Variants in KCNJ12 observed in about 807,000 individuals in gnomAD.
KCNJ12 encodes ATP-sensitive inward rectifier potassium channel 12.
Under a neutral mutation model 22.3 loss-of-function variants are expected in KCNJ12, and 2 were observed. The observed-to-expected ratio is 0.09, with a 90% CI of 0.04 to 0.28. KCNJ12 has a LOEUF of 0.28. KCNJ12 is among the 10% of genes least tolerant of loss of function. KCNJ12 has a pLI of 1.00. For synonymous variants in KCNJ12, 117 were observed against 261.4 expected (o/e 0.45, Z 5.33); for missense variants, 155 against 633.3 (o/e 0.24, Z 8.11).
chr17:21,416,413 C>T lies in KCNJ12; in HGVS notation c.1071C>T (p.Cys357=). The T allele has an allele frequency of 6.2e-7, 1 of 1,614,034 alleles. No individual in the cohort carries two copies. The highest frequency in any genetic ancestry group is 8.5e-7 in the Non-Finnish European group (1 of 1,180,054). The change falls in exon 3 of 3, where the codon TGC becomes TGT. Residue 357 remains cysteine, a synonymous_variant. Coordinates refer to ENST00000583088, the MANE Select transcript of KCNJ12 (RefSeq NM_021012.5). ...KTYEVPSTPR[C]SAKDLVENKF... ...ATGAGGTGCCCTCTACGCCCCGCTGCAGTGCGAAGGATCTGGTAGAGAACA... is the reference window on the plus strand; with the variant it reads ...ATGAGGTGCCCTCTACGCCCCGCTGTAGTGCGAAGGATCTGGTAGAGAACA...
chr17:21,399,554 T>TACCCCACCACTCCTGGGTCCCA (rs1905501758), intron 1 of KCNJ12, among the ~76,000 whole-genome samples: 1 of 152,102 alleles, frequency 6.6e-6, no homozygotes, highest in African/African-American at 2.4e-5. Flanking sequence ...ACCAGGGCCC[T>TACCCCACCACTCCTGGGTCCCA]ACCCCACCAC....
chr17:21,394,823 G>A (rs1247516842), intron 1 of KCNJ12, among the ~76,000 whole-genome samples: 1 of 152,176 alleles, frequency 6.6e-6, no homozygotes, highest in East Asian at 1.9e-4. Flanking sequence ...TGTTGCCAGG[G>A]GTAAACCATT....
intron 1 of KCNJ12, among the ~76,000 whole-genome samples, chr17:21,400,606 G>A (rs1389736425): frequency 6.6e-5 from 10 of 152,304 alleles, no homozygotes; most frequent in Non-Finnish European, 8.8e-5. Flanking sequence ...ATGGGTGGGC[G>A]AGGGGCCAGG....
chr17:21,404,021 G>T (rs1194447211), intron 1 of KCNJ12, among the ~76,000 whole-genome samples: 1 of 152,244 alleles, frequency 6.6e-6, no homozygotes, highest in East Asian at 1.9e-4. Flanking sequence ...CTGGGGTGAT[G>T]CCTCGGCCTC....
chr17:21,415,005 A>G (rs1347696809), intron 2 of KCNJ12, among the ~76,000 whole-genome samples: 3 of 152,268 alleles, frequency 2.0e-5, no homozygotes, highest in African/African-American at 7.2e-5. Context: ...TCAGGCCTTG[A>G]GGGTGGGAGA....
intron 2 of KCNJ12, among the ~76,000 whole-genome samples, chr17:21,411,530 C>G (rs1906349210): frequency 6.6e-6 from 1 of 152,312 alleles, no homozygotes; most frequent in Admixed American, 6.5e-5. Context: ...CCCTGGGACC[C>G]TGGCAGGCCA....
chr17:21,393,904 G>A (rs1325512558), intron 1 of KCNJ12, among the ~76,000 whole-genome samples: 1 of 152,242 alleles, frequency 6.6e-6, no homozygotes, highest in Non-Finnish European at 1.5e-5. Flanking sequence ...TGTGTGGCCT[G>A]TCTAAGTTTG....
chr17:21,398,653 G>A (rs1305764376), intron 1 of KCNJ12, among the ~76,000 whole-genome samples: 8 of 152,136 alleles, frequency 5.3e-5, no homozygotes, highest in East Asian at 1.9e-4. Context: ...GGTGCTTCCC[G>A]CTGTCACCTG....
chr17:21,389,873 T>C (rs1370365460), intron 1 of KCNJ12, among the ~76,000 whole-genome samples: 1 of 152,070 alleles, frequency 6.6e-6, no homozygotes, highest in Non-Finnish European at 1.5e-5. Flanking sequence ...GGAGCAAGAC[T>C]TAAAGGGCAT....
At chr17:21,401,519 G>A (rs1905623167) in intron 1 of KCNJ12, among the ~76,000 whole-genome samples, 1 of 152,218 alleles carries the variant, frequency 6.6e-6, no homozygotes, top group Admixed American at 6.5e-5. Context: ...GGGCCACCCT[G>A]CTGTGAGCAG....
At chr17:21,405,651 G>A (rs566360842) in intron 1 of KCNJ12, among the ~76,000 whole-genome samples, 5 of 152,382 alleles carry the variant, frequency 3.3e-5, no homozygotes, top group East Asian at 1.9e-4. Flanking sequence ...GGGCCAGCCC[G>A]GCCTGTTGGC....
At chr17:21,383,991 C>T (rs976096841) in intron 1 of KCNJ12, among the ~76,000 whole-genome samples, 8 of 152,066 alleles carry the variant, frequency 5.3e-5, no homozygotes, top group Non-Finnish European at 8.8e-5. Flanking sequence ...TGAATTTCTC[C>T]TCCTCACCCC....
At chr17:21,390,925 C>T (rs1190585585) in intron 1 of KCNJ12, among the ~76,000 whole-genome samples, 1 of 152,222 alleles carries the variant, frequency 6.6e-6, no homozygotes, top group African/African-American at 2.4e-5. Context: ...CAAAGCCTTC[C>T]ACCATGCAGA....
chr17:21,381,848 G>A (rs534145388), intron 1 of KCNJ12, among the ~76,000 whole-genome samples: 11 of 152,356 alleles, frequency 7.2e-5, no homozygotes, highest in South Asian at 6.2e-4. Flanking sequence ...TGTCCCCAGT[G>A]CCTAAGCGGT....
At chr17:21,385,623 G>T (rs1905047009) in intron 1 of KCNJ12, among the ~76,000 whole-genome samples, 2 of 152,226 alleles carry the variant, frequency 1.3e-5, no homozygotes, top group Admixed American at 1.3e-4. Flanking sequence ...CCTGGGGGTT[G>T]TGTAACAGAG....
chr17:21,396,331 A>C (rs1461097587), intron 1 of KCNJ12, among the ~76,000 whole-genome samples: 1 of 152,164 alleles, frequency 6.6e-6, no homozygotes, highest in South Asian at 2.1e-4. Flanking sequence ...CCAGGAAGTC[A>C]CCGAGCCAGC....
chr17:21,393,099 G>GTACCA (rs1905249109), intron 1 of KCNJ12, among the ~76,000 whole-genome samples: 1 of 152,130 alleles, frequency 6.6e-6, no homozygotes. Flanking sequence ...CTGCACGGCC[G>GTACCA]TACCGGCTCT....
chr17:21,392,475 A>AGGCAGGG (rs138170114), intron 1 of KCNJ12, among the ~76,000 whole-genome samples: 17,935 of 152,242 alleles, frequency 0.12, 1,114 homozygotes, highest in Non-Finnish European at 0.13. Flanking sequence ...CAGCTGCTCA[A>AGGCAGGG]GGCAGGGGGC....
intron 2 of KCNJ12, among the ~76,000 whole-genome samples, chr17:21,414,258 T>G (rs1906550454): frequency 1.3e-5 from 2 of 152,278 alleles, no homozygotes; most frequent in African/African-American, 2.4e-5. Flanking sequence ...GTGGATCACC[T>G]GAGGTCAAGA....
Sources: gnomAD v4.1 joint callset for allele counts (sites outside exome capture counted in the v4.1 genomes callset) on GRCh38, gnomAD v4.1.1 for gene constraint, MANE v1.5 for transcripts, NCBI Gene and HGNC (gene_info 2026-07-23, HGNC 2026-07-21) for gene names.